AHCYL2: variants seen among roughly 807,000 people sequenced by gnomAD.
The protein encoded by AHCYL2 is adenosylhomocysteinase like 2, also known as S-adenosylhomocysteine hydrolase-like protein 2.
Under a neutral mutation model 81.4 loss-of-function variants are expected in AHCYL2, and 28 were observed. The observed-to-expected ratio is 0.34, with a 90% confidence interval of 0.25 to 0.47. The LOEUF is 0.47. Among genes scored for constraint, AHCYL2 ranks in the 20% least tolerant of loss-of-function variants. AHCYL2 has a pLI of 1.00. For missense variants in AHCYL2, 551 were observed against 785.1 expected (o/e 0.70, Z 3.56); for synonymous variants, 272 against 290.2 (o/e 0.94, Z 0.64).
intron 2 of AHCYL2, among the ~76,000 whole-genome samples, chr7:129,386,164 T>C (rs1795191922): frequency 6.6e-6 from 1 of 152,024 alleles, no homozygotes; most frequent in African/African-American, 2.4e-5. Flanking sequence ...AGCAGGTCCG[T>C]ATAAAGGGCT....
chr7:129,404,676 A>C (rs1796215880), intron 7 of AHCYL2, among the ~76,000 whole-genome samples: 1 of 152,300 alleles, frequency 6.6e-6, no homozygotes, highest in South Asian at 2.1e-4. Context: ...ACTCCATCTC[A>C]AAACAAACAA....
intron 1 of AHCYL2, among the ~76,000 whole-genome samples, chr7:129,245,711 C>T (rs1021968944): frequency 6.6e-6 from 1 of 152,178 alleles, no homozygotes. Flanking sequence ...GAATAATATT[C>T]CATTTTACAT....
chr7:129,271,880 A>G (rs2694572), intron 1 of AHCYL2, among the ~76,000 whole-genome samples: 99,091 of 152,074 alleles, frequency 0.65, 32,959 homozygotes, highest in Middle Eastern at 0.73. Flanking sequence ...TTGTTGTAGC[A>G]TGTTTTCAAG....
chr7:129,380,920 T>C (rs1477644666), intron 2 of AHCYL2, among the ~76,000 whole-genome samples: 2 of 152,152 alleles, frequency 1.3e-5, no homozygotes, highest in Non-Finnish European at 2.9e-5. Flanking sequence ...TTAAAATTAT[T>C]TGTAGAGATG....
At chr7:129,264,904 C>A (rs989704544) in intron 1 of AHCYL2, among the ~76,000 whole-genome samples, 8 of 152,098 alleles carry the variant, frequency 5.3e-5, no homozygotes, top group Non-Finnish European at 4.4e-5. Context: ...AACAGTAACC[C>A]CCAATAACAA....
chr7:129,234,447 G>C (rs572157282), intron 1 of AHCYL2, among the ~76,000 whole-genome samples: 5 of 152,202 alleles, frequency 3.3e-5, no homozygotes, highest in African/African-American at 9.6e-5. Context: ...GTTTCACCAG[G>C]TTGGCCAGGC....
rs1369812639 is a variant in AHCYL2, at chr7:129,368,908, A to G, written c.364-10730A>G. 6.6e-6 allele frequency among the ~76,000 whole-genome samples: 1 copy of G among 152,186 alleles called. No homozygotes were observed. Among genetic ancestry groups the G allele is most frequent in the Non-Finnish European group, 1.5e-5 (1 of 68,036 alleles). On this transcript the variant is annotated intron_variant, in intron 1 of 16. Transcript: ENST00000325006. This position sits in a 1 kb window ranked among gnomAD's most constrained non-coding sequence, Gnocchi z 4.4. ...TCATTTGTTTCTCTGGGGGTAAAGA[A>G]AAAGAACAATGAGGAGAAAAAACAA... is the stretch of plus-strand genomic sequence containing the variant.
chr7:129,403,580 T>G, intron 7 of AHCYL2, 95 bp downstream of exon 7: 4 of 853,258 alleles, frequency 4.7e-6, no homozygotes, highest in Non-Finnish European at 6.8e-6. Context: ...AATTGGAGCC[T>G]GGGCCAGGCG....
At chr7:129,285,996 A>G (rs901256546) in intron 1 of AHCYL2, among the ~76,000 whole-genome samples, 4 of 151,952 alleles carry the variant, frequency 2.6e-5, no homozygotes, top group African/African-American at 9.7e-5. Flanking sequence ...AGGGGCATGA[A>G]CCACCATGCC....
chr7:129,314,760 G>A (rs901231279), intron 1 of AHCYL2, among the ~76,000 whole-genome samples: 7 of 152,158 alleles, frequency 4.6e-5, no homozygotes, highest in Admixed American at 6.5e-5. Flanking sequence ...CACACTCTAG[G>A]CACTGAATAA....
intron 1 of AHCYL2, among the ~76,000 whole-genome samples, chr7:129,246,300 C>G (rs1302760943): frequency 6.6e-6 from 1 of 152,178 alleles, no homozygotes; most frequent in Non-Finnish European, 1.5e-5. Context: ...TAAGGTGATC[C>G]ACCCGCCTCG....
At chr7:129,333,308 C>CAAAAAAAAA in intron 1 of AHCYL2, among the ~76,000 whole-genome samples, 1 of 67,510 alleles carries the variant, frequency 1.5e-5, no homozygotes, top group Admixed American at 1.6e-4. Flanking sequence ...CATCTCTACC[C>CAAAAAAAAA]AAAAAAAAAA....
chr7:129,232,491 C>G (rs1471034363), intron 1 of AHCYL2, among the ~76,000 whole-genome samples: 1 of 152,222 alleles, frequency 6.6e-6, no homozygotes, highest in East Asian at 1.9e-4. Flanking sequence ...ATCTCACAAT[C>G]TAGCCTCTTT....
Position 129,406,425 on chromosome 7 carries a change from G to A in AHCYL2, c.1254G>A (p.Val418=). 6.2e-7 allele frequency: 1 copy of A among 1,614,066 alleles called. No homozygotes were observed. The highest frequency in any genetic ancestry group is 8.5e-7 in the Non-Finnish European group (1 of 1,180,000). Residue 418 remains valine (V), a synonymous_variant, in exon 10 of 17, where the codon GTG becomes GTA. Transcript: ENST00000325006. The surrounding 1 kb of genome is among the most constrained non-coding windows in gnomAD (Gnocchi z 4.3). ...CCCTGAAAGCCATGGGCTCCATTGT[G>A]TATGTAACTGAAATTGACCCCATCT... is the stretch of plus-strand genomic sequence containing the variant. ...CAALKAMGSI[V]YVTEIDPICA... is the part of the protein sequence containing the mutation.
At chr7:129,347,653 C>T (rs1447418419) in intron 1 of AHCYL2, among the ~76,000 whole-genome samples, 1 of 151,702 alleles carries the variant, frequency 6.6e-6, no homozygotes, top group Non-Finnish European at 1.5e-5. Flanking sequence ...TGGTTTTTTT[C>T]TTTACAGTGA....
intron 1 of AHCYL2, among the ~76,000 whole-genome samples, chr7:129,347,268 T>G (rs1298823281): frequency 6.6e-6 from 1 of 152,204 alleles, no homozygotes; most frequent in Non-Finnish European, 1.5e-5. Context: ...GGAACCCAAA[T>G]GTAAACTGTG....
chr7:129,248,619 T>G (rs1279933776), intron 1 of AHCYL2, among the ~76,000 whole-genome samples: 1 of 150,440 alleles, frequency 6.6e-6, no homozygotes, highest in East Asian at 1.9e-4. Context: ...TCCTGGATAC[T>G]ATTTTTTTTT....
In AHCYL2 at chr7:129,366,505, G is replaced by C. The variant is rs146573321; in HGVS notation, c.364-13133G>C. On this transcript the variant is annotated intron_variant, in intron 1 of 16. Coordinates refer to ENST00000325006, the MANE Select transcript of AHCYL2 (RefSeq NM_015328.4). ...GAAAGTATTTTGCCAAGGTTGGCCA[G>C]GCGTGCTGGCTCATGCCTGTAGTCC... is the stretch of plus-strand genomic sequence containing the variant. Among the ~76,000 whole-genome samples the C allele has an allele frequency of 7.4e-4, 112 of 152,320 alleles. 1 individual carries two copies. The highest frequency in any genetic ancestry group is 2.6e-3 in the African/African-American group (109 of 41,584).
At position 129,424,889 on chromosome 7, in the gene AHCYL2, C is replaced by A. The variant is rs753369603; in HGVS notation, c.1576C>A (p.Leu526Ile). 6.2e-7 allele frequency: 1 copy of A among 1,613,186 alleles called. No individual in the cohort carries two copies. The highest frequency in any genetic ancestry group is 2.2e-5 in the East Asian group (1 of 44,884). The change falls in exon 14 of 17, where the codon CTT becomes ATT. Residue 526 changes from leucine to isoleucine, a missense_variant. Coordinates refer to ENST00000325006, the MANE Select transcript of AHCYL2 (RefSeq NM_015328.4). ...TGATCACTAGGGCCGCCTGCTGAAC[C>A]TTAGCTGCTCCACAGTGCCTACATT... is the stretch of plus-strand genomic sequence containing the variant. ...VLLAEGRLLN[L>I]SCSTVPTFVL...
Sources: allele counts gnomAD v4.1 joint callset (sites outside exome capture counted in the v4.1 genomes callset), GRCh38; gene constraint gnomAD v4.1.1; non-coding constraint Gnocchi (gnomAD v3.1); transcripts MANE v1.5; gene names NCBI Gene and HGNC (gene_info 2026-07-23, HGNC 2026-07-21).